The following VASH2 variants were observed in gnomAD, a reference collection of about 807,000 sequenced individuals.
VASH2 encodes vasohibin 2.
A neutral mutation model predicts 37.2 loss-of-function variants in VASH2; 28 were observed. The ratio of observed to expected loss-of-function variants is 0.75; its 90% CI spans 0.56 to 1.03. The LOEUF (loss-of-function observed/expected upper bound fraction) is 1.03, where lower values mean the gene tolerates loss of function less well. VASH2 is among the 50% of genes least tolerant of loss of function. The probability of loss-of-function intolerance (pLI) is 0.00; values close to 1 mark genes in which losing one functional copy is unlikely to be tolerated. For synonymous variants in VASH2, 188 were observed against 174.7 expected, an observed-to-expected ratio of 1.08 and a Z score of -0.60; for missense variants, 419 against 459.1, an observed-to-expected ratio of 0.91 and a Z score of 0.80.
intron 2 of VASH2, among the ~76,000 whole-genome samples, chr1:212,954,147 G>T (rs772321915): frequency 6.6e-6 from 1 of 152,054 alleles, no homozygotes; most frequent in African/African-American, 2.4e-5. Flanking sequence ...TTCTAGGCTC[G>T]AGCGATTCTC....
intron 7 of VASH2, among the ~76,000 whole-genome samples, chr1:212,985,344 A>G (rs1328983582): frequency 6.7e-6 from 1 of 149,086 alleles, no homozygotes; most frequent in African/African-American, 2.5e-5. Flanking sequence ...CCCAGCCATG[A>G]TTCACTTTTA....
intron 7 of VASH2, among the ~76,000 whole-genome samples, chr1:212,979,984 T>C (rs1041366973): frequency 6.6e-6 from 1 of 152,208 alleles, no homozygotes; most frequent in Admixed American, 6.5e-5. Flanking sequence ...GGGTCAGCTC[T>C]GGGAGAGGAG....
At position 212,990,344 on chromosome 1, in the gene VASH2, T is replaced by G. The variant is rs2075846129; in HGVS notation, c.*1760T>G. Reference sequence around the variant, plus strand: ...CAGTATTATCAGAGTTTAAAATGAGTTAGCTCTGTTTATCTACACACAGCA... The same window carrying G: ...CAGTATTATCAGAGTTTAAAATGAGGTAGCTCTGTTTATCTACACACAGCA... On this transcript the variant is annotated 3_prime_UTR_variant, in exon 8 of 8. Coordinates refer to ENST00000517399, the MANE Select transcript of VASH2 (RefSeq NM_001301056.2). 6.6e-6 allele frequency: 1 copy of G among 152,164 alleles called. No individual in the cohort carries two copies. The highest frequency in any genetic ancestry group is 2.4e-5 in the African/African-American group (1 of 41,428). 9.4% of individuals were successfully genotyped at this position (152,164 alleles called of 1,614,324 possible).
intron 7 of VASH2, among the ~76,000 whole-genome samples, chr1:212,978,633 C>G (rs1251807148): frequency 6.6e-6 from 1 of 152,240 alleles, no homozygotes. Flanking sequence ...AGCCCTTCCT[C>G]CCAGGTAAAC....
Position 212,990,556 on chromosome 1 carries a change from C to T in VASH2, c.*1972C>T, listed in dbSNP as rs1572089218. 1 of 152,116 alleles carries T rather than the reference C, an allele frequency of 6.6e-6. No homozygotes were observed. Among genetic ancestry groups the T allele is most frequent in the East Asian group, 1.9e-4 (1 of 5,202 alleles). The allele number at this position is 152,116 out of a possible 1,614,324, so 9.4% of individuals were successfully genotyped here. The stretch of plus-strand genomic sequence containing the variant: ...TTCTAAGAGTTGGAATTTATTTTTG[C>T]CAAGTATTAAGTACTGTTACATCTA... On this transcript the variant is annotated 3_prime_UTR_variant, in exon 8 of 8. Coordinates refer to ENST00000517399, the MANE Select transcript of VASH2 (RefSeq NM_001301056.2).
chr1:212,973,395 GTGATTCC>G (rs1667069985), intron 6 of VASH2: 2 of 1,291,844 alleles, frequency 1.5e-6, no homozygotes, highest in African/African-American at 3.0e-5. Flanking sequence ...CCAAAGTGAT[GTGATTCC>G]CGCTTGTCCA....
At chr1:212,966,183 TG>T in intron 4 of VASH2, 87 bp from the exon 5 acceptor site, 1 of 1,164,182 alleles carries the variant, frequency 8.6e-7, no homozygotes, top group Non-Finnish European at 1.3e-6. Flanking sequence ...GTTCCTGGTG[TG>T]GGGACAGGCA....
intron 7 of VASH2, among the ~76,000 whole-genome samples, chr1:212,984,818 G>T (rs1667432469): frequency 6.6e-6 from 1 of 152,116 alleles, no homozygotes; most frequent in South Asian, 2.1e-4. Flanking sequence ...AGTTTGCAGG[G>T]TTACAGGGAA....
At chr1:212,960,132 T>A (rs760507649) in intron 2 of VASH2, among the ~76,000 whole-genome samples, 2 of 152,226 alleles carry the variant, frequency 1.3e-5, no homozygotes, top group African/African-American at 4.8e-5. Context: ...CTGTTCTTGC[T>A]CTTGGCCTTC....
At chr1:212,959,529 CAGTTGCTGTGAAGTAGG>C (rs1666606679) in intron 2 of VASH2, among the ~76,000 whole-genome samples, 2 of 152,148 alleles carry the variant, frequency 1.3e-5, no homozygotes. Flanking sequence ...GCTGAGGAGG[CAGTTGCTGTGAAGTAGG>C]ACATTTCAAA....
At position 212,971,402 on chromosome 1, in the gene VASH2, T is replaced by TCC. The variant is rs1460516500; in HGVS notation, c.498-1176_498-1175dup. Among the ~76,000 whole-genome samples the TCC allele has an allele frequency of 2.6e-5, 4 of 152,170 alleles. No homozygotes were observed. Among genetic ancestry groups the TCC allele is most frequent in the African/African-American group, 9.7e-5 (4 of 41,438 alleles). On this transcript the variant is annotated intron_variant, in intron 5 of 7. Transcript: ENST00000517399. This position sits in a 1 kb window ranked among gnomAD's most constrained non-coding sequence, Gnocchi z 4.0. ...ACATTGTGTGCATTCTGAGTCCATCTCCCACCAGACCTCCGGAGAAGGGCT... is the reference window on the plus strand; with the variant it reads ...ACATTGTGTGCATTCTGAGTCCATCTCCCCCACCAGACCTCCGGAGAAGGGCT...
chr1:212,976,419 T>TACA (rs941412303), intron 7 of VASH2, among the ~76,000 whole-genome samples: 1 of 152,046 alleles, frequency 6.6e-6, no homozygotes, highest in Non-Finnish European at 1.5e-5. Context: ...ACCCTGTCTT[T>TACA]ACAACAACAA....
Position 212,961,292 on chromosome 1 carries a change from G to C in VASH2, c.365+38G>C, listed in dbSNP as rs751634786. Reference sequence around the variant, plus strand: ...CCAAGGTCTGAGCACACCCAGCCAGGGGACAGGCATGGTGATCGCAAGCCT... The same window carrying C: ...CCAAGGTCTGAGCACACCCAGCCAGCGGACAGGCATGGTGATCGCAAGCCT... On this transcript the variant is annotated intron_variant, in intron 3 of 7. Coordinates refer to ENST00000517399, the MANE Select transcript of VASH2 (RefSeq NM_001301056.2). 1.1e-5 allele frequency: 17 copies of C among 1,613,800 alleles called. No homozygotes were observed. The South Asian group carries it at 1.8e-4, about 17-fold the overall frequency.
At chr1:212,985,947 G>GT (rs1327859687) in intron 7 of VASH2, among the ~76,000 whole-genome samples, 4 of 152,184 alleles carry the variant, frequency 2.6e-5, no homozygotes, top group Admixed American at 1.3e-4. Flanking sequence ...AGGCAGCTAT[G>GT]TACCTAACTA....
intron 7 of VASH2, among the ~76,000 whole-genome samples, chr1:212,979,902 A>G (rs192968841): frequency 5.3e-5 from 8 of 151,998 alleles, no homozygotes; most frequent in Admixed American, 2.6e-4. Context: ...ACTTAAACCA[A>G]CTCCTTCCCA....
chr1:212,990,348 C>G lies in VASH2; in HGVS notation c.*1764C>G, dbSNP rs977464049. ...ATTATCAGAGTTTAAAATGAGTTAG[C>G]TCTGTTTATCTACACACAGCAAACC... On this transcript the variant is annotated 3_prime_UTR_variant, in exon 8 of 8. Coordinates refer to ENST00000517399, the MANE Select transcript of VASH2 (RefSeq NM_001301056.2). The G allele has an allele frequency of 2.0e-5, 3 of 152,142 alleles. No homozygotes were observed. The highest frequency in any genetic ancestry group is 4.4e-5 in the Non-Finnish European group (3 of 68,026). The allele number at this position is 152,142 out of a possible 1,614,324, so 9.4% of individuals were successfully genotyped here.
intron 7 of VASH2, among the ~76,000 whole-genome samples, chr1:212,975,759 G>T (rs1399407132): frequency 6.6e-6 from 1 of 152,208 alleles, no homozygotes; most frequent in African/African-American, 2.4e-5. Flanking sequence ...TGCCCAAGGA[G>T]GGCTGAGTCA....
intron 7 of VASH2, among the ~76,000 whole-genome samples, chr1:212,985,019 T>C (rs1382776708): frequency 6.6e-6 from 1 of 151,986 alleles, no homozygotes; most frequent in Non-Finnish European, 1.5e-5. Flanking sequence ...TTAAACATAA[T>C]TCACTTTTTT....
chr1:212,955,341 G>A (rs1558140359), intron 2 of VASH2, among the ~76,000 whole-genome samples: 1 of 152,198 alleles, frequency 6.6e-6, no homozygotes, highest in African/African-American at 2.4e-5. Context: ...TCCCCATCTT[G>A]CAGGGATTCC....
Sources: allele counts gnomAD v4.1 joint callset (sites outside exome capture counted in the v4.1 genomes callset), GRCh38; gene constraint gnomAD v4.1.1; non-coding constraint Gnocchi (gnomAD v3.1); transcripts MANE v1.5; gene names NCBI Gene and HGNC (gene_info 2026-07-23, HGNC 2026-07-21).